Variants in TELO2 observed in about 807,000 individuals in gnomAD.
TELO2 encodes the protein telomere maintenance 2, also known as telomere length regulation protein TEL2 homolog.
A neutral mutation model predicts 91.0 loss-of-function variants in TELO2; 71 were observed. The observed-to-expected ratio is 0.78, with a 90% CI of 0.64 to 0.95. The LOEUF is 0.95. TELO2 is among the 40% of genes least tolerant of loss of function. The pLI is 0.00. For missense variants in TELO2, 1,183 were observed against 1,141.3 expected, an observed-to-expected ratio of 1.04 and a Z score of -0.53; for synonymous variants, 584 against 518.9, an observed-to-expected ratio of 1.13 and a Z score of -1.71.
intron 2 of TELO2, among the ~76,000 whole-genome samples, 174 bp from the exon 3 acceptor site, chr16:1,495,172 G>A (rs537099538): frequency 6.6e-6 from 1 of 152,164 alleles, no homozygotes; most frequent in Non-Finnish European, 1.5e-5. Flanking sequence ...CACAGTAATC[G>A]CAGTTATTTA....
rs1382754343 is a variant in TELO2, at chr16:1,499,267, G to T, written c.867G>T (p.Val289=). ...EVLSRLLGNL[V]VKNKKAQFVM... is the part of the protein sequence containing the mutation. The stretch of plus-strand genomic sequence containing the variant: ...TTTCGAGACTGCTGGGGAACCTGGT[G>T]GTGAAGAACAAGAAGGCCCAGTTTG... Residue 289 remains valine (V), a synonymous_variant, in exon 6 of 21, where the codon GTG becomes GTT. Transcript: ENST00000262319. The T allele has an allele frequency of 6.2e-7, 1 of 1,614,066 alleles. No individual in the cohort carries two copies. Among genetic ancestry groups the T allele is most frequent in the South Asian group, 1.1e-5 (1 of 91,082 alleles).
At chr16:1,506,835 G>A (rs1034553954) in intron 17 of TELO2, 117 bp from the exon 18 acceptor site, 40 of 1,435,628 alleles carry the variant, frequency 2.8e-5, no homozygotes, top group Non-Finnish European at 3.4e-5. Context: ...CAGGCAAGGC[G>A]GTGGGCACGG....
chr16:1,500,708 G>T lies in TELO2; in HGVS notation c.1281+9G>T, dbSNP rs768129611. 1.2e-6 allele frequency: 2 copies of T among 1,611,740 alleles called. No individual in the cohort carries two copies. The highest frequency in any genetic ancestry group is 1.1e-5 in the South Asian group (1 of 91,038). ...CTCCCCTGAAATTCCAGGTGAGCGG[G>T]CCGTCCCCTCCGCGTCCCCGTGTGG... On this transcript the variant is annotated intron_variant, in intron 9 of 20. Transcript: ENST00000262319.
Position 1,505,583 on chromosome 16 carries a change from G to T in TELO2, c.2016G>T (p.Lys672Asn). The change falls in exon 16 of 21, where the codon AAG becomes AAT. Residue 672 changes from lysine (K) to asparagine (N), a missense_variant. Transcript: ENST00000262319. The surrounding 1 kb of genome is among the most constrained non-coding windows in gnomAD (Gnocchi z 4.3). ...RVVVEERIRSKTQRLSKGGPR... is the reference protein window; with the variant it reads ...RVVVEERIRSNTQRLSKGGPR... ...TGGTGGAGGAGCGGATCAGAAGCAA[G>T]ACCCAGCGGCTCTCCAAGGTTAGTG... 1 of 1,534,480 alleles carries T rather than the reference G, an allele frequency of 6.5e-7. No homozygotes were observed. Among genetic ancestry groups the T allele is most frequent in the South Asian group, 1.1e-5 (1 of 90,384 alleles).
rs1409047555 is a variant in TELO2, at chr16:1,494,735, C to G, written c.335+119C>G. The G allele has an allele frequency of 6.4e-6, 7 of 1,090,316 alleles. No homozygotes were observed. The highest frequency in any genetic ancestry group is 9.0e-6 in the Non-Finnish European group (7 of 781,608). 67.5% of individuals were successfully genotyped at this position (1,090,316 alleles called of 1,614,324 possible). ...TGAGGGGCTAGAGAGAGAGCCTGCT[C>G]CTGGCTGAACCCCTGAACAGAAGAA... On this transcript the variant is annotated intron_variant, in intron 2 of 20. Coordinates refer to ENST00000262319, the MANE Select transcript of TELO2 (RefSeq NM_016111.4). The surrounding 1 kb of genome is among the most constrained non-coding windows in gnomAD (Gnocchi z 5.6).
Position 1,506,319 on chromosome 16 carries a change from C to T in TELO2, c.2116C>T (p.Arg706Cys), listed in dbSNP as rs780227352. The T allele has an allele frequency of 8.7e-6, 14 of 1,613,968 alleles. No homozygotes were observed. Among genetic ancestry groups the T allele is most frequent in the Admixed American group, 3.3e-5 (2 of 60,006 alleles). Residue 706 changes from arginine to cysteine, a missense_variant, in exon 17 of 21, where the codon CGC (arginine) becomes TGC (cysteine). Arg to Cys is a radical substitution (Grantham distance 180). Coordinates refer to ENST00000262319, the MANE Select transcript of TELO2 (RefSeq NM_016111.4). ...AGHFFFPLLQRFDRPLVTFDL... is the reference protein window; with the variant it reads ...AGHFFFPLLQCFDRPLVTFDL... Reference sequence around the variant, plus strand: ...CCACTTCTTCTTCCCCCTCCTTCAGCGCTTTGACAGGTGAGTGGGTTTTCC... The same window carrying T: ...CCACTTCTTCTTCCCCCTCCTTCAGTGCTTTGACAGGTGAGTGGGTTTTCC...
chr16:1,496,438 G>C (rs894693131), intron 3 of TELO2, among the ~76,000 whole-genome samples: 1 of 152,244 alleles, frequency 6.6e-6, no homozygotes, highest in Non-Finnish European at 1.5e-5. Context: ...AGCTGCTGCT[G>C]TGCATGGGCC....
intron 6 of TELO2, among the ~76,000 whole-genome samples, chr16:1,499,752 TC>T (rs1463546032): frequency 6.6e-6 from 1 of 152,170 alleles, no homozygotes; most frequent in Non-Finnish European, 1.5e-5. Flanking sequence ...GTCCCCTGAC[TC>T]CCGGCCACAT....
chr16:1,495,256 C>T (rs1041313114), intron 2 of TELO2, 90 bp from the exon 3 acceptor site: 29 of 1,455,946 alleles, frequency 2.0e-5, no homozygotes, highest in Admixed American at 5.0e-5. Context: ...TGGGGCTGCC[C>T]GTGTAATCCG....
chr16:1,497,601 G>A lies in TELO2; in HGVS notation c.830+93G>A, dbSNP rs2039541137. The A allele has an allele frequency of 3.5e-6, 5 of 1,445,358 alleles. No homozygotes were observed. Among genetic ancestry groups the A allele is most frequent in the African/African-American group, 2.8e-5 (2 of 70,490 alleles). 89.5% of individuals were successfully genotyped at this position (1,445,358 alleles called of 1,614,324 possible). On this transcript the variant is annotated intron_variant, in intron 5 of 20. Coordinates refer to ENST00000262319, the MANE Select transcript of TELO2 (RefSeq NM_016111.4). The surrounding 1 kb of genome is among the most constrained non-coding windows in gnomAD (Gnocchi z 4.0). Reference sequence around the variant, plus strand: ...CTTCACGCTACTTCTCCTGGGCGCCGTGCTGCAGCTGGCACCCCCATGTAG... The same window carrying A: ...CTTCACGCTACTTCTCCTGGGCGCCATGCTGCAGCTGGCACCCCCATGTAG...
In TELO2 at chr16:1,507,448, C is replaced by T. The variant is rs942938571; in HGVS notation, c.2291+78C>T. 4 of 1,563,542 alleles carry T rather than the reference C, an allele frequency of 2.6e-6. No individual in the cohort carries two copies. In the African/African-American group the frequency reaches 5.4e-5, roughly 21 times the overall value. ...TCTTATTGTGGGGGCCCCGTGGAGC[C>T]TCGAGGTGGCTGACAGGCAGCCTGG... On this transcript the variant is annotated intron_variant, in intron 19 of 20. Transcript: ENST00000262319.
At chr16:1,509,649 C>T (rs1490100169) in intron 20 of TELO2, among the ~76,000 whole-genome samples, 181 bp from the exon 21 acceptor site, 1 of 152,256 alleles carries the variant, frequency 6.6e-6, no homozygotes, top group Non-Finnish European at 1.5e-5. Context: ...GCTGCCTGCA[C>T]AGAGCCTGTG....
chr16:1,506,638 G>A (rs45589036), intron 17 of TELO2: 98,813 of 1,378,348 alleles, frequency 0.072, 3,964 homozygotes, highest in African/African-American at 0.15. Context: ...TGCCTCAGCC[G>A]GCGCTGCACT....
intron 13 of TELO2, 29 bp downstream of exon 13, chr16:1,502,433 G>A (rs897118544): frequency 6.4e-7 from 1 of 1,568,650 alleles, no homozygotes; most frequent in Non-Finnish European, 8.6e-7. Flanking sequence ...TGGGTGGGGA[G>A]GCCCAAGATG....
chr16:1,501,454 C>T lies in TELO2; in HGVS notation c.1316C>T (p.Ala439Val), dbSNP rs139539769. 111 of 1,612,008 alleles carry T rather than the reference C, an allele frequency of 6.9e-5. No individual in the cohort carries two copies. Among genetic ancestry groups the T allele is most frequent in the Non-Finnish European group, 8.9e-5 (105 of 1,179,522 alleles). ...EEDELSLELL[A>V]LASPQPAGDG... is the part of the protein sequence containing the mutation. ...GATGAACTGAGCCTCGAGCTGCTGG[C>T]CTTGGCCTCCCCCCAGCCTGCGGGT... Residue 439 changes from alanine to valine, a missense_variant, in exon 10 of 21, where the codon GCC (alanine) becomes GTC (valine). By Grantham distance (64) the Ala-to-Val change is moderately conservative. Coordinates refer to ENST00000262319, the MANE Select transcript of TELO2 (RefSeq NM_016111.4).
Position 1,494,582 on chromosome 16 carries a change from C to G in TELO2, c.301C>G (p.Leu101Val), listed in dbSNP as rs774040108. 8.1e-6 allele frequency: 13 copies of G among 1,613,522 alleles called. No homozygotes were observed. In the Admixed American group the frequency reaches 2.2e-4, roughly 27 times the overall value. Residue 101 changes from leucine to valine, a missense_variant, in exon 2 of 21, where the codon CTG becomes GTG. By Grantham distance (32) the Leu-to-Val change is conservative (BLOSUM62 1). Coordinates refer to ENST00000262319, the MANE Select transcript of TELO2 (RefSeq NM_016111.4). The surrounding 1 kb of genome is among the most constrained non-coding windows in gnomAD (Gnocchi z 5.6). ...GGAGGGCCCGGCGGACCAAGCCTTC[C>G]TGGTGTTGATGGAGACCATCGAGGG... is the stretch of plus-strand genomic sequence containing the variant. The part of the protein sequence containing the change: ...FLEGPADQAF[L>V]VLMETIEGAA...
At chr16:1,502,578 A>T in intron 13 of TELO2, 67 bp from the exon 14 acceptor site, 1 of 1,568,630 alleles carries the variant, frequency 6.4e-7, no homozygotes, top group South Asian at 1.1e-5. Flanking sequence ...CGGCCCTGTG[A>T]GCCTCGGTGA....
At chr16:1,502,816 G>A (rs2039747376) in intron 14 of TELO2, 55 bp downstream of exon 14, 1 of 1,602,012 alleles carries the variant, frequency 6.2e-7, no homozygotes, top group Admixed American at 1.7e-5. Flanking sequence ...GAAGCACTGG[G>A]AGCTGCGGTG....
Position 1,500,668 on chromosome 16 carries a change from T to C in TELO2, c.1250T>C (p.Ile417Thr). The change falls in exon 9 of 21, where the codon ATC becomes ACC. Residue 417 changes from isoleucine to threonine, a missense_variant. By Grantham distance (89) the Ile-to-Thr change is moderately conservative. Transcript: ENST00000262319. ...GTGGCAGAGGTCGTTAGTGCCCGGA[T>C]CCACCCCGAGGGGCCTCCCCTGAAA... ...MIVAEVVSAR[I>T]HPEGPPLKFQ... 1.9e-6 allele frequency: 3 copies of C among 1,612,524 alleles called. No individual in the cohort carries two copies. The highest frequency in any genetic ancestry group is 2.5e-6 in the Non-Finnish European group (3 of 1,179,818).
Sources: gnomAD v4.1 joint callset for allele counts (sites outside exome capture counted in the v4.1 genomes callset) on GRCh38, gnomAD v4.1.1 for gene constraint, Gnocchi (gnomAD v3.1) non-coding constraint, MANE v1.5 for transcripts, NCBI Gene and HGNC (gene_info 2026-07-23, HGNC 2026-07-21) for gene names.